The following DTNB variants were observed in gnomAD, a reference collection of about 807,000 sequenced individuals.
DTNB encodes the protein dystrobrevin beta.
In DTNB, 63 loss-of-function variants were observed where a neutral mutation model predicts 90.7. The observed-to-expected ratio is 0.69, with a 90% CI of 0.57 to 0.86. DTNB has a LOEUF of 0.86. Ranked by LOEUF, DTNB falls within the 40% of genes least tolerant of loss-of-function variation. The pLI is 0.00. For synonymous variants in DTNB, 277 were observed against 286.7 expected (o/e 0.97, Z 0.34); for missense variants, 744 against 807.1 (o/e 0.92, Z 0.95).
chr2:25,654,709 T>G (rs765528202), intron 1 of DTNB, among the ~76,000 whole-genome samples: 3 of 152,222 alleles, frequency 2.0e-5, no homozygotes, highest in Non-Finnish European at 2.9e-5. Context: ...GGGATACGTT[T>G]TGGGAAGCAA....
intron 10 of DTNB, among the ~76,000 whole-genome samples, chr2:25,465,553 C>T (rs547856400): frequency 6.6e-6 from 1 of 152,258 alleles, no homozygotes; most frequent in East Asian, 1.9e-4. Context: ...GCTGCCTCTC[C>T]AGCTGGTTTT....
chr2:25,625,551 A>ATTTTTTTTTTTT (rs66586812), intron 4 of DTNB, among the ~76,000 whole-genome samples: 368 of 73,754 alleles, frequency 5.0e-3, no homozygotes, highest in Middle Eastern at 8.2e-3. Flanking sequence ...TAACTCACTC[A>ATTTTTTTTTTTT]TTTTTTTTTT....
In DTNB at chr2:25,419,585, T is replaced by C. The variant is rs376679087; in HGVS notation, c.1555-50A>G. 8.2e-4 allele frequency: 1,266 copies of C among 1,538,910 alleles called. 1 individual carries two copies. The highest frequency in any genetic ancestry group is 9.6e-4 in the Non-Finnish European group (1,094 of 1,140,000). ...AAGGCAGAGGAAAAAAGGAGAGAAA[T>C]TAATGCCCATTAATGCCCATCACCA... On this transcript the variant is annotated intron_variant, in intron 15 of 20. Transcript: ENST00000406818.
intron 12 of DTNB, among the ~76,000 whole-genome samples, chr2:25,440,303 A>G (rs546963507): frequency 6.6e-6 from 1 of 152,352 alleles, no homozygotes; most frequent in African/African-American, 2.4e-5. Context: ...GGATGAAAAG[A>G]GGGTTTCTAT....
intron 4 of DTNB, among the ~76,000 whole-genome samples, chr2:25,623,559 T>C (rs1346608484): frequency 6.6e-6 from 1 of 152,136 alleles, no homozygotes; most frequent in East Asian, 1.9e-4. Context: ...TCCTCACATG[T>C]ACTGATTAAG....
At chr2:25,553,708 C>A (rs1204039098) in intron 8 of DTNB, among the ~76,000 whole-genome samples, 1 of 147,006 alleles carries the variant, frequency 6.8e-6, no homozygotes, top group African/African-American at 2.5e-5. Context: ...CCACTGCACT[C>A]CAGCCTGGAC....
intron 10 of DTNB, among the ~76,000 whole-genome samples, chr2:25,457,433 C>T (rs979284962): frequency 1.3e-5 from 2 of 152,156 alleles, no homozygotes; most frequent in Non-Finnish European, 2.9e-5. Context: ...AGGGTGCCCA[C>T]TGTTCTAGGC....
intron 10 of DTNB, among the ~76,000 whole-genome samples, chr2:25,478,892 T>G (rs2064310220): frequency 6.6e-6 from 1 of 152,128 alleles, no homozygotes; most frequent in African/African-American, 2.4e-5. Flanking sequence ...ATCGGCAGCT[T>G]GGGAGCAGCT....
intron 20 of DTNB, among the ~76,000 whole-genome samples, chr2:25,378,890 A>G (rs2036681501): frequency 6.6e-6 from 1 of 152,178 alleles, no homozygotes; most frequent in African/African-American, 2.4e-5. Context: ...GAATCCAGGG[A>G]CGCACTGGCT....
intron 2 of DTNB, chr2:25,650,217 G>C: frequency 1.0e-6 from 1 of 985,428 alleles, no homozygotes; most frequent in Non-Finnish European, 1.2e-6. Context: ...AGGAATTACT[G>C]TGTTTGTGTA....
chr2:25,526,395 A>ATATATATATAT, intron 9 of DTNB, among the ~76,000 whole-genome samples: 247 of 49,798 alleles, frequency 5.0e-3, no homozygotes, highest in East Asian at 6.9e-3. Flanking sequence ...ATATATATAT[A>ATATATATATAT]TTTTTTTTTT....
chr2:25,652,732 T>C (rs111324532), intron 1 of DTNB, 71 bp from the exon 2 acceptor site: 24,334 of 1,506,456 alleles, frequency 0.016, 193 homozygotes, highest in South Asian at 0.026. Flanking sequence ...ATCATTCTAT[T>C]GTGAAGAGGG....
chr2:25,623,055 AATAG>A (rs1464112352), intron 4 of DTNB, among the ~76,000 whole-genome samples: 5 of 152,274 alleles, frequency 3.3e-5, no homozygotes, highest in Middle Eastern at 3.4e-3. Context: ...GAGGAACACT[AATAG>A]ATAAAGAGGA....
At chr2:25,662,263 T>C (rs1306953718) in intron 1 of DTNB, among the ~76,000 whole-genome samples, 2 of 152,198 alleles carry the variant, frequency 1.3e-5, no homozygotes, top group Non-Finnish European at 2.9e-5. Context: ...ATGATGATAT[T>C]GTTTCTAAAC....
intron 9 of DTNB, among the ~76,000 whole-genome samples, chr2:25,487,659 A>C (rs751520597): frequency 1.6e-4 from 24 of 152,192 alleles, no homozygotes; most frequent in Non-Finnish European, 2.6e-4. Context: ...GGCCTCAGAG[A>C]GGAGGCATCG....
chr2:25,536,563 G>A (rs1039856750), intron 8 of DTNB, among the ~76,000 whole-genome samples: 1 of 152,180 alleles, frequency 6.6e-6, no homozygotes, highest in African/African-American at 2.4e-5. Context: ...CCCCTAAGGA[G>A]TGGCGGCGTG....
chr2:25,621,364 G>A (rs72852637), intron 4 of DTNB, among the ~76,000 whole-genome samples: 24,894 of 151,202 alleles, frequency 0.16, 2,607 homozygotes, highest in East Asian at 0.57. Context: ...GCTTTGTTTT[G>A]TATTGTTTTG....
Position 25,596,146 on chromosome 2 carries a change from G to A in DTNB, c.543C>T (p.Val181=), listed in dbSNP as rs754670491. The change falls in exon 6 of 21, where the codon GTC becomes GTT. Residue 181 remains valine (V), a synonymous_variant. Transcript: ENST00000406818. ...TGTAACCAAAAGATGGCCCTTCAAA[G>A]ACAGCTGTTGGGAGCTTCAGAACTT... ...LKEVLKLPTA[V]FEGPSFGYTE... is the part of the protein sequence containing the mutation. 12 of 1,613,364 alleles carry A rather than the reference G, an allele frequency of 7.4e-6. No homozygotes were observed. The South Asian group carries it at 1.3e-4, about 18-fold the overall frequency.
At chr2:25,616,785 A>G (rs1237286377) in intron 4 of DTNB, among the ~76,000 whole-genome samples, 1 of 151,666 alleles carries the variant, frequency 6.6e-6, no homozygotes, top group Non-Finnish European at 1.5e-5. Flanking sequence ...ACAAAAAATT[A>G]GCCGGGCGTG....
Sources: allele counts gnomAD v4.1 joint callset (sites outside exome capture counted in the v4.1 genomes callset), GRCh38; gene constraint gnomAD v4.1.1; transcripts MANE v1.5; gene names NCBI Gene and HGNC (gene_info 2026-07-23, HGNC 2026-07-21).